Variants in CHKA observed in about 807,000 individuals in gnomAD.
CHKA encodes CHETK-alpha.
CHKA carries 34 observed loss-of-function variants against 60.1 expected under a neutral mutation model. The ratio of observed to expected loss-of-function variants is 0.57; its 90% CI spans 0.43 to 0.75. The LOEUF is 0.75. Ranked by LOEUF, CHKA falls within the 30% of genes least tolerant of loss-of-function variation. The pLI, the probability that CHKA is intolerant of heterozygous loss-of-function variation, is 0.00. For missense variants in CHKA, 563 were observed against 561.3 expected (o/e 1.00, Z -0.03); for synonymous variants, 217 against 223.1 (o/e 0.97, Z 0.24).
At chr11:68,061,548 A>C in intron 11 of CHKA, 1 of 303,964 alleles carries the variant, frequency 3.3e-6, no homozygotes, top group Non-Finnish European at 6.7e-6. Context: ...GGTAACCGAT[A>C]AATAAAACCT....
intron 11 of CHKA, among the ~76,000 whole-genome samples, chr11:68,054,431 C>T (rs182197744): frequency 7.9e-5 from 12 of 152,328 alleles, no homozygotes; most frequent in African/African-American, 2.9e-4. Flanking sequence ...ACCCCTGGGA[C>T]ACAGGCGAGT....
intron 2 of CHKA, among the ~76,000 whole-genome samples, chr11:68,086,725 C>T (rs554744169): frequency 3.3e-5 from 5 of 152,364 alleles, no homozygotes; most frequent in South Asian, 2.1e-4. Flanking sequence ...TGGTGGCTCA[C>T]GCCTGTAATC....
chr11:68,085,888 G>C (rs983377538), intron 2 of CHKA, among the ~76,000 whole-genome samples: 1 of 151,890 alleles, frequency 6.6e-6, no homozygotes, highest in East Asian at 1.9e-4. Context: ...CTCAGCCTCC[G>C]GAATAGTTGG....
intron 1 of CHKA, among the ~76,000 whole-genome samples, chr11:68,108,556 A>G (rs536747204): frequency 6.6e-6 from 1 of 152,332 alleles, no homozygotes; most frequent in East Asian, 1.9e-4. Context: ...CATCCTGGCT[A>G]ACACGGTGAA....
chr11:68,121,123 GC>G lies in CHKA; in HGVS notation c.54del (p.Leu19CysfsTer2). 2 of 1,203,716 alleles carry G rather than the reference GC, an allele frequency of 1.7e-6. No individual in the cohort carries two copies. Among genetic ancestry groups the G allele is most frequent in the Non-Finnish European group, 1.0e-6 (1 of 963,924 alleles). 74.6% of individuals were successfully genotyped at this position (1,203,716 alleles called of 1,614,324 possible). A position where few individuals can be genotyped will look rare whatever the true frequency, so the allele number is the denominator to read the frequency against. On this transcript the variant is annotated frameshift_variant, in exon 1 of 12. Coordinates refer to ENST00000265689, the MANE Select transcript of CHKA (RefSeq NM_001277.3). LOFTEE classifies it high-confidence loss of function. Reference protein sequence around the residue: ...GGEAEPSPLGLLLSCGSGSAA... With the variant: ...GGEAEPSPLGXLLSCGSGSAA... ...GCGCTGCCGCTACCGCAGCTCAGCAGCAGCCCGAGCGGCGAGGGCTCCGCCT... is the reference window on the plus strand; with the variant it reads ...GCGCTGCCGCTACCGCAGCTCAGCAGAGCCCGAGCGGCGAGGGCTCCGCCT...
chr11:68,095,535 C>T (rs1342780218), intron 2 of CHKA, among the ~76,000 whole-genome samples: 53 of 145,474 alleles, frequency 3.6e-4, no homozygotes, highest in Non-Finnish European at 6.8e-4. Context: ...CGGTGAAACC[C>T]CGTCTCTACT....
Position 68,101,818 on chromosome 11 carries a change from T to C in CHKA, c.351-4688A>G, listed in dbSNP as rs1396986494. 9.9e-5 allele frequency among the ~76,000 whole-genome samples: 15 copies of C among 152,232 alleles called. No individual in the cohort carries two copies. In the East Asian group the frequency reaches 2.9e-3, roughly 29 times the overall value. ...ATTAATATTGTTAAAATGTCCATACTGGCCAAGCGCGTGGCTGACGCCTGT... is the reference window on the plus strand; with the variant it reads ...ATTAATATTGTTAAAATGTCCATACCGGCCAAGCGCGTGGCTGACGCCTGT... On this transcript the variant is annotated intron_variant, in intron 1 of 11. Transcript: ENST00000265689.
chr11:68,072,411 G>A (rs1856647417), intron 4 of CHKA, among the ~76,000 whole-genome samples: 2 of 152,026 alleles, frequency 1.3e-5, no homozygotes, highest in South Asian at 2.1e-4. Flanking sequence ...GTCAAACATG[G>A]TGGCACGTGC....
chr11:68,060,032 C>CTTTTTTTTTTTTTTT lies in CHKA; in HGVS notation c.1314+1920_1314+1921insAAAAAAAAAAAAAAA, dbSNP rs377176560. Among the ~76,000 whole-genome samples, 50 of 134,166 alleles carry CTTTTTTTTTTTTTTT rather than the reference C, an allele frequency of 3.7e-4. 1 individual carries two copies. Among genetic ancestry groups the CTTTTTTTTTTTTTTT allele is most frequent in the African/African-American group, 6.0e-4 (21 of 35,210 alleles). 88.0% of individuals were successfully genotyped at this position (134,166 alleles called of 152,430 possible). ...TTTGTTTCTGAGATAGAGTTTCACT[C>CTTTTTTTTTTTTTTT]TTTTTTTTTTGAGACCCAGAGTCTC... is the stretch of plus-strand genomic sequence containing the variant. On this transcript the variant is annotated intron_variant, in intron 11 of 11. Transcript: ENST00000265689.
chr11:68,086,958 C>A lies in CHKA; in HGVS notation c.463-5501G>T, dbSNP rs775324746. ...CAGAGATCGTGCCACTTCACTCCAG[C>A]CTGGGCGACAGAGCGAGACTCCGTC... On this transcript the variant is annotated intron_variant, in intron 2 of 11. Transcript: ENST00000265689. 8.6e-5 allele frequency among the ~76,000 whole-genome samples: 13 copies of A among 151,530 alleles called. 1 individual carries two copies. In the East Asian group the frequency reaches 2.5e-3, roughly 30 times the overall value.
intron 1 of CHKA, among the ~76,000 whole-genome samples, chr11:68,117,673 T>C (rs770272792): frequency 1.3e-5 from 2 of 152,050 alleles, no homozygotes; most frequent in Non-Finnish European, 2.9e-5. Context: ...CAAGACTCCA[T>C]CTCAAAAAAT....
At chr11:68,058,784 A>G (rs1037797787) in intron 11 of CHKA, among the ~76,000 whole-genome samples, 2 of 152,248 alleles carry the variant, frequency 1.3e-5, no homozygotes, top group African/African-American at 4.8e-5. Flanking sequence ...GAGCTTCAGT[A>G]CAACACAGAA....
At chr11:68,087,165 G>A (rs3133327) in intron 2 of CHKA, among the ~76,000 whole-genome samples, 2 of 151,892 alleles carry the variant, frequency 1.3e-5, no homozygotes, top group South Asian at 4.1e-4. Context: ...TTTAAGAAAC[G>A]AAATCATTAT....
chr11:68,057,666 T>G (rs942078155), intron 11 of CHKA, among the ~76,000 whole-genome samples: 3 of 152,200 alleles, frequency 2.0e-5, no homozygotes, highest in Non-Finnish European at 4.4e-5. Context: ...AACTTAATAG[T>G]TTTAGCCTTC....
chr11:68,065,713 A>T, intron 9 of CHKA, 73 bp downstream of exon 9: 1 of 1,068,824 alleles, frequency 9.4e-7, no homozygotes, highest in Non-Finnish European at 1.4e-6. Context: ...AAAATAAAAA[A>T]GAAGATGTAA....
chr11:68,061,343 T>C (rs1438125337), intron 11 of CHKA: 1 of 165,788 alleles, frequency 6.0e-6, no homozygotes, highest in African/African-American at 2.4e-5. Flanking sequence ...TGACCTCAGG[T>C]GATCTGCCCA....
At chr11:68,073,156 CCCTTA>C (rs1035203691) in intron 4 of CHKA, among the ~76,000 whole-genome samples, 2 of 152,210 alleles carry the variant, frequency 1.3e-5, no homozygotes, top group Admixed American at 6.5e-5. Flanking sequence ...TAACACAATT[CCCTTA>C]CCTTTTCCAA....
intron 1 of CHKA, among the ~76,000 whole-genome samples, chr11:68,101,788 G>C (rs1485738406): frequency 6.6e-6 from 1 of 152,112 alleles, no homozygotes; most frequent in Non-Finnish European, 1.5e-5. Flanking sequence ...TCATGTATTA[G>C]AAGAATTAAT....
intron 6 of CHKA, 131 bp from the exon 7 acceptor site, chr11:68,069,068 G>A: frequency 1.6e-6 from 1 of 641,022 alleles, no homozygotes; most frequent in South Asian, 1.7e-5. Flanking sequence ...TATCTGTGAT[G>A]TGAATTCTGA....
Sources: gnomAD v4.1 joint callset for allele counts (sites outside exome capture counted in the v4.1 genomes callset) on GRCh38, gnomAD v4.1.1 for gene constraint, MANE v1.5 for transcripts, NCBI Gene and HGNC (gene_info 2026-07-23, HGNC 2026-07-21) for gene names.